Variants in TRPC3 observed in about 807,000 individuals in gnomAD.
TRPC3 encodes the protein transient receptor potential cation channel subfamily C member 3.
TRPC3 carries 54 observed loss-of-function variants against 90.9 expected under a neutral mutation model. That is an observed-to-expected ratio of 0.59 (90% CI 0.48 to 0.75). The LOEUF is 0.75. TRPC3 is among the 30% of genes least tolerant of loss of function. TRPC3 has a pLI of 0.00. For missense variants in TRPC3, 918 were observed against 1,194.5 expected, an observed-to-expected ratio of 0.77 and a Z score of 3.41; for synonymous variants, 424 against 450.9, an observed-to-expected ratio of 0.94 and a Z score of 0.75.
At position 121,907,372 on chromosome 4, in the gene TRPC3, G is replaced by T; in HGVS notation, c.1988C>A (p.Ala663Asp). The T allele has an allele frequency of 1.2e-6, 2 of 1,613,240 alleles. No individual in the cohort carries two copies. The highest frequency in any genetic ancestry group is 8.5e-7 in the Non-Finnish European group (1 of 1,179,408). ...AAGTATGAACATGCCAATCATAAAG[G>T]CAAAAAACACCATAATAAAGAGGAC... ...FMVLFIMVFF[A>D]FMIGMFILYS... Residue 663 changes from alanine to aspartate, a missense_variant, in exon 7 of 12, where the codon GCC becomes GAC. Transcript: ENST00000379645.
chr4:121,899,722 A>T, intron 9 of TRPC3, 27 bp from the exon 10 acceptor site: 2 of 1,453,036 alleles, frequency 1.4e-6, no homozygotes, highest in African/African-American at 1.4e-5. Context: ...TTAACCTAGT[A>T]AATTAGAATA....
At chr4:121,944,864 T>C (rs1730434065) in intron 1 of TRPC3, among the ~76,000 whole-genome samples, 1 of 152,174 alleles carries the variant, frequency 6.6e-6, no homozygotes, top group Non-Finnish European at 1.5e-5. Flanking sequence ...TAAAATTTCT[T>C]TGAGGAAGAG....
chr4:121,946,391 G>T (rs533221731), intron 1 of TRPC3, among the ~76,000 whole-genome samples: 34 of 152,236 alleles, frequency 2.2e-4, no homozygotes, highest in African/African-American at 7.5e-4. Context: ...CACCGTAGAA[G>T]ATTTAGCTAA....
In TRPC3 at chr4:121,904,375, C is replaced by T. The variant is rs201237198; in HGVS notation, c.2200G>A (p.Val734Ile). 3.8e-6 allele frequency: 6 copies of T among 1,596,858 alleles called. No individual in the cohort carries two copies. The highest frequency in any genetic ancestry group is 5.1e-6 in the Non-Finnish European group (6 of 1,175,812). The stretch of plus-strand genomic sequence containing the variant: ...ATAGCAATTAGCATGTTGAGTAAAA[C>T]GACCACCATAGTTACATTGTATATT... The part of the protein sequence containing the change: ...YGIYNVTMVV[V>I]LLNMLIAMIN... The change falls in exon 8 of 12, where the codon GTT becomes ATT. Residue 734 changes from valine to isoleucine, a missense_variant. By Grantham distance (29) the Val-to-Ile change is conservative. This residue lies in a region of TRPC3 where 147 missense variants were observed against 263.5 expected (regional missense o/e 0.56). Coordinates refer to ENST00000379645, the MANE Select transcript of TRPC3 (RefSeq NM_001130698.2).
chr4:121,881,937 T>C (rs1727957167), intron 11 of TRPC3, among the ~76,000 whole-genome samples: 1 of 152,174 alleles, frequency 6.6e-6, no homozygotes, highest in Non-Finnish European at 1.5e-5. Context: ...AATGTGTTTC[T>C]GAACAATAAA....
At chr4:121,911,308 T>C (rs755322611) in intron 5 of TRPC3, among the ~76,000 whole-genome samples, 12 of 152,190 alleles carry the variant, frequency 7.9e-5, no homozygotes, top group Non-Finnish European at 1.6e-4. Context: ...ACACAATAAA[T>C]TCTTTTCCTC....
At chr4:121,938,276 C>A (rs1431001278) in intron 1 of TRPC3, among the ~76,000 whole-genome samples, 2 of 152,206 alleles carry the variant, frequency 1.3e-5, no homozygotes, top group Non-Finnish European at 2.9e-5. Context: ...AATGCCCCAA[C>A]TCACCTTCTT....
intron 1 of TRPC3, among the ~76,000 whole-genome samples, chr4:121,937,927 G>C (rs577782052): frequency 6.6e-6 from 1 of 151,738 alleles, no homozygotes; most frequent in Non-Finnish European, 1.5e-5. Flanking sequence ...ATTTGAGACA[G>C]AGTCTTACTC....
intron 10 of TRPC3, among the ~76,000 whole-genome samples, chr4:121,894,958 C>G (rs1728469394): frequency 6.6e-6 from 1 of 152,018 alleles, no homozygotes; most frequent in South Asian, 2.1e-4. Flanking sequence ...AAAATTATAT[C>G]AAGTATTTTA....
rs1727847271 is a variant in TRPC3, at chr4:121,878,987, A to G, written c.*749T>C. ...ACTTAAAAGAAAATCACATTACTGA[A>G]AAACAACAAACGTAAGTCTAAGACA... On this transcript the variant is annotated 3_prime_UTR_variant, in exon 12 of 12. Coordinates refer to ENST00000379645, the MANE Select transcript of TRPC3 (RefSeq NM_001130698.2). The G allele has an allele frequency of 6.6e-6, 1 of 152,236 alleles. No individual in the cohort carries two copies. The highest frequency in any genetic ancestry group is 2.4e-5 in the African/African-American group (1 of 41,462). 9.4% of individuals were successfully genotyped at this position (152,236 alleles called of 1,614,324 possible).
At chr4:121,923,074 GGA>G (rs962155550) in intron 3 of TRPC3, among the ~76,000 whole-genome samples, 3 of 150,676 alleles carry the variant, frequency 2.0e-5, no homozygotes, top group African/African-American at 7.3e-5. Context: ...AGAGAGGAGG[GGA>G]GAGAGAAAGA....
chr4:121,896,992 C>T (rs903404968), intron 10 of TRPC3, among the ~76,000 whole-genome samples: 120 of 152,162 alleles, frequency 7.9e-4, no homozygotes, highest in African/African-American at 2.6e-3. Context: ...ATCCATGTGT[C>T]TATAACCAAC....
At chr4:121,894,695 G>A (rs1728459336) in intron 10 of TRPC3, among the ~76,000 whole-genome samples, 2 of 148,788 alleles carry the variant, frequency 1.3e-5, no homozygotes, top group African/African-American at 4.9e-5. Flanking sequence ...TCCCAAGTAT[G>A]TAGGATTACA....
rs148274998 is a variant in TRPC3 at position 121,904,412 on chromosome 4, G to A, written c.2163C>T (p.Tyr721=). The change falls in exon 8 of 12, where the codon TAC becomes TAT. Residue 721 remains tyrosine (Y), a synonymous_variant. Transcript: ENST00000379645. Reference sequence around the variant, plus strand: ...TTACATTGTATATTCCATAAAGAACGTATCCAATATTTTCTATGAATTTGT... The same window carrying A: ...TTACATTGTATATTCCATAAAGAACATATCCAATATTTTCTATGAATTTGT... The part of the protein sequence containing the change: ...YDHKFIENIG[Y]VLYGIYNVTM... 140 of 1,606,740 alleles carry A rather than the reference G, an allele frequency of 8.7e-5. No homozygotes were observed. Among genetic ancestry groups the A allele is most frequent in the Admixed American group, 6.0e-4 (35 of 57,912 alleles).
At chr4:121,927,752 C>T (rs1203328227) in intron 2 of TRPC3, among the ~76,000 whole-genome samples, 1 of 152,132 alleles carries the variant, frequency 6.6e-6, no homozygotes, top group African/African-American at 2.4e-5. Flanking sequence ...TAATCCTTTT[C>T]CCTTCGTAAG....
chr4:121,901,516 T>C (rs745798548), intron 9 of TRPC3, among the ~76,000 whole-genome samples: 16 of 152,244 alleles, frequency 1.1e-4, no homozygotes, highest in Non-Finnish European at 1.5e-5. Context: ...ATAGCTTCAA[T>C]TGTCTTATCT....
At chr4:121,930,877 T>C in intron 2 of TRPC3, 1 of 355,814 alleles carries the variant, frequency 2.8e-6, no homozygotes, top group South Asian at 2.1e-5. Flanking sequence ...AGTAAATAAA[T>C]CTTTTCAAAT....
Position 121,875,324 on chromosome 4 carries a change from T to C in TRPC3, c.*4412A>G, listed in dbSNP as rs1314065482. ...ACAAAAAGTTTGCATAATATGATAT[T>C]TGGAATTCTTTGATTTTGCATCTAA... On this transcript the variant is annotated 3_prime_UTR_variant, in exon 12 of 12. Transcript: ENST00000379645. Among the ~76,000 whole-genome samples the C allele has an allele frequency of 6.6e-6, 1 of 152,212 alleles. No individual in the cohort carries two copies. The highest frequency in any genetic ancestry group is 1.5e-5 in the Non-Finnish European group (1 of 68,036).
rs1312968844 is a variant in TRPC3, at chr4:121,925,152, C to T, written c.1042G>A (p.Asp348Asn). ...ACCTCTTCTGAGTCTCGGCAGAGATCCAGCACACCCACTACAAAGTCTTTG... is the reference window on the plus strand; with the variant it reads ...ACCTCTTCTGAGTCTCGGCAGAGATTCAGCACACCCACTACAAAGTCTTTG... Reference protein sequence around the residue: ...QCKDFVVGVLDLCRDSEEVEA... With the variant: ...QCKDFVVGVLNLCRDSEEVEA... Residue 348 changes from aspartate to asparagine, a missense_variant, in exon 3 of 12, where the codon GAT becomes AAT. Coordinates refer to ENST00000379645, the MANE Select transcript of TRPC3 (RefSeq NM_001130698.2). The T allele has an allele frequency of 6.2e-7, 1 of 1,613,952 alleles. No homozygotes were observed. The highest frequency in any genetic ancestry group is 1.3e-5 in the African/African-American group (1 of 74,896).
Sources: gnomAD v4.1 joint callset for allele counts (sites outside exome capture counted in the v4.1 genomes callset) on GRCh38, gnomAD v4.1.1 for gene constraint, gnomAD v4.1.1 regional missense constraint, MANE v1.5 for transcripts, NCBI Gene and HGNC (gene_info 2026-07-23, HGNC 2026-07-21) for gene names.